Variants in FOCAD observed in about 807,000 individuals in gnomAD.
FOCAD encodes KIAA1797.
Under a neutral mutation model 225.6 loss-of-function variants are expected in FOCAD, and 198 were observed. The ratio of observed to expected loss-of-function variants is 0.88; its 90% CI spans 0.78 to 0.99. The LOEUF is 0.99. FOCAD is among the 50% of genes least tolerant of loss of function. The probability of loss-of-function intolerance (pLI) is 0.00; values close to 1 mark genes in which losing one functional copy is unlikely to be tolerated. For synonymous variants in FOCAD, 897 were observed against 755.0 expected, an observed-to-expected ratio of 1.19 and a Z score of -3.08; for missense variants, 2,713 against 2,123.6, an observed-to-expected ratio of 1.28 and a Z score of -5.46.
intron 15 of FOCAD, among the ~76,000 whole-genome samples, chr9:20,858,344 T>C (rs1828418852): frequency 6.6e-6 from 1 of 152,182 alleles, no homozygotes; most frequent in African/African-American, 2.4e-5. Context: ...TAAGAATTTA[T>C]CTGTTTCTTC....
chr9:20,720,673 C>A, intron 4 of FOCAD, 139 bp downstream of exon 4: 1 of 807,236 alleles, frequency 1.2e-6, no homozygotes, highest in Non-Finnish European at 1.9e-6. Flanking sequence ...GTTGCTGTTT[C>A]ATATATGAAA....
In FOCAD at chr9:20,866,917, T is replaced by TTTTAACAAAAAA; in HGVS notation, c.2107-12_2107-11insTTTAACAAAAAA. The stretch of plus-strand genomic sequence containing the variant: ...TTTTTTTTTTTTTTTTTTTTTTTTT[T>TTTTAACAAAAAA]ACCCTATCTAGGACCCAATTGTAGC... On this transcript the variant is annotated splice_polypyrimidine_tract_variant and intron_variant, in intron 17 of 43. Coordinates refer to ENST00000338382, the MANE Select transcript of FOCAD (RefSeq NM_001375567.1). The TTTTAACAAAAAA allele has an allele frequency of 2.6e-6, 2 of 764,968 alleles. No homozygotes were observed. The highest frequency in any genetic ancestry group is 4.0e-6 in the Non-Finnish European group (2 of 498,468). The allele number at this position is 764,968 out of a possible 1,614,324, so 47.4% of individuals were successfully genotyped here.
At chr9:20,960,919 G>GA (rs1838653206) in intron 35 of FOCAD, among the ~76,000 whole-genome samples, 2 of 152,050 alleles carry the variant, frequency 1.3e-5, no homozygotes, top group African/African-American at 4.8e-5. Flanking sequence ...CAAAGGACAT[G>GA]AACTCATCCT....
At chr9:20,924,712 A>T (rs760598180) in intron 25 of FOCAD, among the ~76,000 whole-genome samples, 12 of 152,180 alleles carry the variant, frequency 7.9e-5, no homozygotes, top group Non-Finnish European at 1.8e-4. Context: ...ACCAAAAAGG[A>T]ACAGGAAGTA....
chr9:20,801,697 G>T (rs1182183791), intron 11 of FOCAD, among the ~76,000 whole-genome samples: 6 of 152,092 alleles, frequency 3.9e-5, no homozygotes, highest in Non-Finnish European at 7.4e-5. Flanking sequence ...TCTTTACTTT[G>T]TGAACCATAG....
intron 18 of FOCAD, among the ~76,000 whole-genome samples, chr9:20,867,404 G>GA (rs961319502): frequency 3.3e-5 from 5 of 152,028 alleles, no homozygotes; most frequent in East Asian, 1.9e-4. Flanking sequence ...GATGCCATAT[G>GA]AAAAAATCTG....
At chr9:20,762,322 T>C (rs72703915) in intron 6 of FOCAD, among the ~76,000 whole-genome samples, 194 of 152,352 alleles carry the variant, frequency 1.3e-3, no homozygotes, top group Non-Finnish European at 2.2e-3. Flanking sequence ...GATAAAGATA[T>C]ATGTTTCAGT....
intron 19 of FOCAD, among the ~76,000 whole-genome samples, chr9:20,879,741 G>A (rs1459094045): frequency 1.3e-5 from 2 of 152,208 alleles, no homozygotes; most frequent in Non-Finnish European, 2.9e-5. Flanking sequence ...TTTACGGGAA[G>A]ATGAAGCTCT....
At chr9:20,821,981 C>A (rs1587302777) in intron 14 of FOCAD, among the ~76,000 whole-genome samples, 1 of 86,124 alleles carries the variant, frequency 1.2e-5, no homozygotes, top group Non-Finnish European at 2.2e-5. Context: ...AAAATGACCT[C>A]AATGTAAAAG....
intron 35 of FOCAD, among the ~76,000 whole-genome samples, chr9:20,964,880 T>C (rs1278738761): frequency 6.6e-6 from 1 of 152,024 alleles, no homozygotes; most frequent in Non-Finnish European, 1.5e-5. Context: ...GAAGCATCAC[T>C]GGAAGGCGCA....
chr9:20,901,023 A>G (rs922001518), intron 21 of FOCAD, among the ~76,000 whole-genome samples: 1 of 151,930 alleles, frequency 6.6e-6, no homozygotes, highest in African/African-American at 2.4e-5. Flanking sequence ...TCTTCTCACT[A>G]TCTGTCAGAG....
At chr9:20,970,231 T>G (rs1426034871) in intron 35 of FOCAD, among the ~76,000 whole-genome samples, 1 of 152,064 alleles carries the variant, frequency 6.6e-6, no homozygotes, top group Non-Finnish European at 1.5e-5. Flanking sequence ...AATGTATGGA[T>G]TTGTGTCTTT....
At position 20,781,716 on chromosome 9, in the gene FOCAD, T is replaced by C. The variant is rs1819385480; in HGVS notation, c.995-11T>C. 6.2e-7 allele frequency: 1 copy of C among 1,612,278 alleles called. No individual in the cohort carries two copies. Among genetic ancestry groups the C allele is most frequent in the Non-Finnish European group, 8.5e-7 (1 of 1,179,376 alleles). ...ATTTTTAAAAATGTGCATTATTGTT[T>C]TGATGAATAGCTTTGAAGCTCCTCT... On this transcript the variant is annotated splice_polypyrimidine_tract_variant and intron_variant, in intron 9 of 43. Coordinates refer to ENST00000338382, the MANE Select transcript of FOCAD (RefSeq NM_001375567.1).
At chr9:20,879,500 C>T (rs1019629282) in intron 19 of FOCAD, among the ~76,000 whole-genome samples, 1 of 152,088 alleles carries the variant, frequency 6.6e-6, no homozygotes. Context: ...TTACCTGTAT[C>T]AATTGTTTTT....
chr9:20,664,687 C>G (rs1235835292), intron 2 of FOCAD, among the ~76,000 whole-genome samples: 1 of 147,080 alleles, frequency 6.8e-6, no homozygotes, highest in African/African-American at 2.5e-5. Context: ...CTTTGTTGAC[C>G]AGGCTGGTTT....
At chr9:20,846,695 A>G (rs1331036614) in intron 15 of FOCAD, among the ~76,000 whole-genome samples, 2 of 152,118 alleles carry the variant, frequency 1.3e-5, no homozygotes, top group Non-Finnish European at 2.9e-5. Context: ...ATTGCCATGT[A>G]AGTTTAATTC....
Position 20,948,536 on chromosome 9 carries a change from T to C in FOCAD, c.3798+143T>C, listed in dbSNP as rs148998088. ...TTTAAATGAAAGAGATCACATACTT[T>C]TAAATCCCTTATAAATAATGCATTC... On this transcript the variant is annotated intron_variant, in intron 31 of 43. Transcript: ENST00000338382. The C allele has an allele frequency of 8.9e-5, 81 of 911,604 alleles. No homozygotes were observed. In the African/African-American group the frequency reaches 1.3e-3, roughly 15 times the overall value. 56.5% of individuals were successfully genotyped at this position (911,604 alleles called of 1,614,324 possible). A position where few individuals can be genotyped will look rare whatever the true frequency, so the allele number is the denominator to read the frequency against.
At chr9:20,753,234 T>C (rs1828731847) in intron 5 of FOCAD, among the ~76,000 whole-genome samples, 2 of 151,108 alleles carry the variant, frequency 1.3e-5, no homozygotes, top group South Asian at 2.1e-4. Flanking sequence ...CCCTGTCTTG[T>C]GCCAGTTTTC....
At chr9:20,827,285 T>G (rs1360714082) in intron 15 of FOCAD, among the ~76,000 whole-genome samples, 1 of 152,108 alleles carries the variant, frequency 6.6e-6, no homozygotes, top group Admixed American at 6.6e-5. Context: ...ACATTTCTTA[T>G]AAACAAAATC....
Sources: allele counts gnomAD v4.1 joint callset (sites outside exome capture counted in the v4.1 genomes callset), GRCh38; gene constraint gnomAD v4.1.1; transcripts MANE v1.5; gene names NCBI Gene and HGNC (gene_info 2026-07-23, HGNC 2026-07-21).